CACNA2D2: variants seen among roughly 807,000 people sequenced by gnomAD.
CACNA2D2 encodes the protein voltage-dependent calcium channel subunit alpha-2/delta-2.
In CACNA2D2, 48 loss-of-function variants were observed where a neutral mutation model predicts 166.4. The ratio of observed to expected loss-of-function variants is 0.29; its 90% confidence interval spans 0.23 to 0.37. The LOEUF (loss-of-function observed/expected upper bound fraction) is 0.37. Among genes scored for constraint, CACNA2D2 ranks in the 10% least tolerant of loss-of-function variants. The pLI, the probability that CACNA2D2 is intolerant of heterozygous loss-of-function variation, is 1.00. For missense variants in CACNA2D2, 1,122 were observed against 1,433.0 expected (o/e 0.78, Z 3.50); for synonymous variants, 561 against 573.7 (o/e 0.98, Z 0.32).
rs587619501 is a variant in CACNA2D2, at chr3:50,388,638, C to T, written c.466-1026G>A. On this transcript the variant is annotated intron_variant, in intron 4 of 37. Coordinates refer to ENST00000424201, the MANE Select transcript of CACNA2D2 (RefSeq NM_006030.4). ...CCAGCGCAGATGTCGCCCGGACACC[C>T]GCTTCCCAAGGCCCAGCTGGGGCTC... 3.0e-4 allele frequency among the ~76,000 whole-genome samples: 46 copies of T among 152,344 alleles called. No homozygotes were observed. The South Asian group carries it at 7.5e-3, about 25-fold the overall frequency.
In CACNA2D2 at chr3:50,367,229, T is replaced by G; in HGVS notation, c.2402-120A>C. On this transcript the variant is annotated intron_variant, in intron 27 of 37. Coordinates refer to ENST00000424201, the MANE Select transcript of CACNA2D2 (RefSeq NM_006030.4). This position sits in a 1 kb window ranked among gnomAD's most constrained non-coding sequence, Gnocchi z 6.5. The stretch of plus-strand genomic sequence containing the variant: ...TGACTCCAGCCCAAGCACCCAGCAC[T>G]CAGGACAGTGTTTGGCACAGTCTAT... 1.0e-6 allele frequency: 1 copy of G among 992,886 alleles called. No homozygotes were observed. Among genetic ancestry groups the G allele is most frequent in the Non-Finnish European group, 1.6e-6 (1 of 643,342 alleles). The allele number at this position is 992,886 out of a possible 1,614,324, so 61.5% of individuals were successfully genotyped here.
intron 2 of CACNA2D2, among the ~76,000 whole-genome samples, chr3:50,461,701 C>T (rs1026438712): frequency 2.9e-5 from 4 of 137,172 alleles, no homozygotes; most frequent in African/African-American, 5.5e-5. Flanking sequence ...GCAGAGGTTG[C>T]GGTGAGCCGA....
chr3:50,433,731 T>C (rs912813723), intron 3 of CACNA2D2, among the ~76,000 whole-genome samples: 1 of 152,134 alleles, frequency 6.6e-6, no homozygotes, highest in Admixed American at 6.5e-5. Flanking sequence ...GCCCAGCGCA[T>C]TCCTGTTACC....
At chr3:50,368,777 T>TAGCC (rs1484191445) in intron 23 of CACNA2D2, among the ~76,000 whole-genome samples, 1 of 152,218 alleles carries the variant, frequency 6.6e-6, no homozygotes, top group Admixed American at 6.5e-5. Flanking sequence ...TCCGACTGGC[T>TAGCC]GTTCCCTCTG....
chr3:50,476,936 T>C (rs1480610946), intron 1 of CACNA2D2, among the ~76,000 whole-genome samples: 2 of 150,186 alleles, frequency 1.3e-5, no homozygotes, highest in East Asian at 3.9e-4. Flanking sequence ...TTTCTTTTTT[T>C]TTTTTTTTTT....
chr3:50,455,898 C>T (rs537411193), intron 2 of CACNA2D2, among the ~76,000 whole-genome samples: 1 of 152,170 alleles, frequency 6.6e-6, no homozygotes, highest in Non-Finnish European at 1.5e-5. Context: ...CATGCTCCCC[C>T]CATTCCTCTC....
At chr3:50,492,416 C>T (rs1698557358) in intron 1 of CACNA2D2, among the ~76,000 whole-genome samples, 1 of 152,256 alleles carries the variant, frequency 6.6e-6, no homozygotes, top group Admixed American at 6.5e-5. Flanking sequence ...CTCACTGGCA[C>T]AGCACGGCAA....
Position 50,366,518 on chromosome 3 carries a change from G to A in CACNA2D2, c.2637+60C>T, listed in dbSNP as rs981495779. On this transcript the variant is annotated intron_variant, in intron 30 of 37. Coordinates refer to ENST00000424201, the MANE Select transcript of CACNA2D2 (RefSeq NM_006030.4). This position sits in a 1 kb window ranked among gnomAD's most constrained non-coding sequence, Gnocchi z 5.9. ...GGGATGTGCTGGGAGTCGCGGCTGGGACTAGGAAGTCTGGAAGTGGGGTAA... is the reference window on the plus strand; with the variant it reads ...GGGATGTGCTGGGAGTCGCGGCTGGAACTAGGAAGTCTGGAAGTGGGGTAA... The A allele has an allele frequency of 6.3e-7, 1 of 1,580,694 alleles. No homozygotes were observed. Among genetic ancestry groups the A allele is most frequent in the African/African-American group, 1.3e-5 (1 of 74,264 alleles).
chr3:50,471,753 T>C (rs1351335121), intron 2 of CACNA2D2, among the ~76,000 whole-genome samples: 2 of 152,176 alleles, frequency 1.3e-5, no homozygotes, highest in African/African-American at 2.4e-5. Context: ...GCCCTGGACA[T>C]GGCCAGACTT....
chr3:50,426,935 T>C (rs974174166), intron 3 of CACNA2D2, among the ~76,000 whole-genome samples: 1 of 152,166 alleles, frequency 6.6e-6, no homozygotes, highest in Non-Finnish European at 1.5e-5. Context: ...ACTGTCTCCC[T>C]TGACCTTCCC....
intron 2 of CACNA2D2, among the ~76,000 whole-genome samples, chr3:50,444,528 C>T (rs951507185): frequency 1.3e-5 from 2 of 152,200 alleles, no homozygotes; most frequent in African/African-American, 2.4e-5. Flanking sequence ...TTTCATGGGA[C>T]CGCCTTCCAG....
intron 3 of CACNA2D2, among the ~76,000 whole-genome samples, chr3:50,397,208 C>G (rs773125625): frequency 6.6e-6 from 1 of 152,240 alleles, no homozygotes; most frequent in African/African-American, 2.4e-5. Context: ...AGCCCACTGA[C>G]TCGTGAATAA....
chr3:50,367,569 G>T lies in CACNA2D2; in HGVS notation c.2298-72C>A, dbSNP rs1405789063. The T allele has an allele frequency of 3.7e-6, 6 of 1,600,958 alleles. No individual in the cohort carries two copies. The highest frequency in any genetic ancestry group is 5.1e-6 in the Non-Finnish European group (6 of 1,170,686). ...GGGACAGTGGTCTCCACAGATGCAA[G>T]GAGGCCTCTGGGCAGAACAGATGCA... is the stretch of plus-strand genomic sequence containing the variant. On this transcript the variant is annotated intron_variant, in intron 26 of 37. Coordinates refer to ENST00000424201, the MANE Select transcript of CACNA2D2 (RefSeq NM_006030.4). The surrounding 1 kb of genome is among the most constrained non-coding windows in gnomAD (Gnocchi z 6.5).
intron 1 of CACNA2D2, among the ~76,000 whole-genome samples, chr3:50,486,132 C>T (rs914179425): frequency 6.6e-6 from 1 of 152,214 alleles, no homozygotes; most frequent in Admixed American, 6.5e-5. Context: ...GAGGTGAACA[C>T]TGCTGCAGTC....
intron 2 of CACNA2D2, among the ~76,000 whole-genome samples, chr3:50,438,615 G>C (rs1011005771): frequency 7.2e-5 from 11 of 152,220 alleles, no homozygotes; most frequent in Admixed American, 6.5e-4. Context: ...TCCTAACAGA[G>C]CTGCCTGGGA....
intron 2 of CACNA2D2, among the ~76,000 whole-genome samples, chr3:50,463,047 C>A (rs181841320): frequency 2.1e-4 from 32 of 152,294 alleles, no homozygotes; most frequent in Non-Finnish European, 1.6e-4. Flanking sequence ...GACATCACTA[C>A]TTCTGTTTAC....
At chr3:50,382,021 C>CACACAT (rs1491024530) in intron 6 of CACNA2D2, among the ~76,000 whole-genome samples, 1 of 140,764 alleles carries the variant, frequency 7.1e-6, no homozygotes, top group Admixed American at 7.0e-5. Context: ...CACACACACA[C>CACACAT]AAACAAGGCT....
intron 2 of CACNA2D2, among the ~76,000 whole-genome samples, chr3:50,446,028 G>A (rs1024303183): frequency 2.0e-5 from 3 of 152,232 alleles, no homozygotes; most frequent in Non-Finnish European, 4.4e-5. Context: ...TCCGTGCACA[G>A]TGTTTGCCAT....
chr3:50,482,610 G>A (rs1698100846), intron 1 of CACNA2D2, among the ~76,000 whole-genome samples: 2 of 152,206 alleles, frequency 1.3e-5, no homozygotes, highest in African/African-American at 4.8e-5. Context: ...CATCCAGAAG[G>A]TGGGACTGCT....
Sources: gnomAD v4.1 joint callset for allele counts (sites outside exome capture counted in the v4.1 genomes callset) on GRCh38, gnomAD v4.1.1 for gene constraint, Gnocchi (gnomAD v3.1) non-coding constraint, MANE v1.5 for transcripts, NCBI Gene and HGNC (gene_info 2026-07-23, HGNC 2026-07-21) for gene names.